The following NEK1 variants were observed in gnomAD, a reference collection of about 807,000 sequenced individuals.
NEK1 encodes serine/threonine-protein kinase Nek1.
NEK1 carries 137 observed loss-of-function variants against 182.1 expected under a neutral mutation model. That is an observed-to-expected ratio of 0.75 (90% CI 0.65 to 0.87). The LOEUF is 0.87. Ranked by LOEUF, NEK1 falls within the 40% of genes least tolerant of loss-of-function variation. NEK1 has a pLI of 0.00. For synonymous variants in NEK1, 513 were observed against 492.2 expected (o/e 1.04, Z -0.56); for missense variants, 1,391 against 1,494.4 (o/e 0.93, Z 1.14).
intron 31 of NEK1, among the ~76,000 whole-genome samples, chr4:169,407,358 T>C (rs150291666): frequency 6.6e-6 from 1 of 152,328 alleles, no homozygotes; most frequent in East Asian, 1.9e-4. Context: ...AGCCACATAC[T>C]GGTGAAATGA....
At chr4:169,423,194 C>T (rs1165204296) in intron 31 of NEK1, among the ~76,000 whole-genome samples, 1 of 152,148 alleles carries the variant, frequency 6.6e-6, no homozygotes, top group Admixed American at 6.6e-5. Flanking sequence ...CCTCCACCTC[C>T]CGGGTTCAAG....
At position 169,477,296 on chromosome 4, in the gene NEK1, T is replaced by A. The variant is rs754808036; in HGVS notation, c.2262A>T (p.Glu754Asp). The A allele has an allele frequency of 1.3e-6, 2 of 1,591,410 alleles. No individual in the cohort carries two copies. The highest frequency in any genetic ancestry group is 1.7e-6 in the Non-Finnish European group (2 of 1,167,056). ...LNENLKAQED[E>D]KGKQNLSDTF... ...TATCAGAGAGATTCTGCTTTCCTTTTTCATCTTCTTGAGCTTTAAGATTTT... is the reference window on the plus strand; with the variant it reads ...TATCAGAGAGATTCTGCTTTCCTTTATCATCTTCTTGAGCTTTAAGATTTT... The change falls in exon 26 of 36, where the codon GAA becomes GAT. Residue 754 changes from glutamate (E) to aspartate (D), a missense_variant. Coordinates refer to ENST00000507142, the MANE Select transcript of NEK1 (RefSeq NM_001199397.3).
In NEK1 at chr4:169,502,907, A is replaced by G. The variant is rs1019897312; in HGVS notation, c.2007+4130T>C. 5.9e-5 allele frequency among the ~76,000 whole-genome samples: 9 copies of G among 152,276 alleles called. No homozygotes were observed. In the South Asian group the frequency reaches 1.9e-3, roughly 32 times the overall value. Reference sequence around the variant, plus strand: ...GCAATCAGGCTAGAGAAAAAAATAAAAGACATCCAAATAGGAAAAGAGAAA... The same window carrying G: ...GCAATCAGGCTAGAGAAAAAAATAAGAGACATCCAAATAGGAAAAGAGAAA... On this transcript the variant is annotated intron_variant, in intron 23 of 35. Transcript: ENST00000507142.
At chr4:169,480,570 T>C (rs1394803258) in intron 23 of NEK1, among the ~76,000 whole-genome samples, 1 of 151,672 alleles carries the variant, frequency 6.6e-6, no homozygotes, top group Non-Finnish European at 1.5e-5. Flanking sequence ...TTGTAATTAT[T>C]TTGCTGGTGG....
At chr4:169,605,977 T>C (rs1200703108) in intron 2 of NEK1, among the ~76,000 whole-genome samples, 1 of 152,166 alleles carries the variant, frequency 6.6e-6, no homozygotes, top group African/African-American at 2.4e-5. Context: ...ATCTGCCTTT[T>C]GTGGACTTCA....
At chr4:169,603,680 G>C (rs72974776) in intron 2 of NEK1, among the ~76,000 whole-genome samples, 14,535 of 148,420 alleles carry the variant, frequency 0.098, 778 homozygotes, top group East Asian at 0.17. Flanking sequence ...CAGTGAATTT[G>C]AAAAATTCTT....
rs74776059 is a variant in NEK1 at position 169,539,977 on chromosome 4, A to G, written c.1563-2066T>C. ...AAAATTGTTTACTAAGAACCTGGTCATCTGTATAACAGCTTTGATTTATAG... is the reference window on the plus strand; with the variant it reads ...AAAATTGTTTACTAAGAACCTGGTCGTCTGTATAACAGCTTTGATTTATAG... On this transcript the variant is annotated intron_variant, in intron 18 of 35. Transcript: ENST00000507142. Among the ~76,000 whole-genome samples the G allele has an allele frequency of 4.9e-3, 749 of 152,306 alleles. 8 individuals are homozygous for G. Among genetic ancestry groups the G allele is most frequent in the Admixed American group, 7.7e-3 (118 of 15,284 alleles).
chr4:169,481,622 A>C (rs1748028198), intron 23 of NEK1, among the ~76,000 whole-genome samples: 2 of 152,184 alleles, frequency 1.3e-5, no homozygotes, highest in African/African-American at 4.8e-5. Context: ...AGTAGGTCTC[A>C]ACAGTGGGCT....
At chr4:169,537,692 C>G in intron 19 of NEK1, 117 bp downstream of exon 19, 1 of 782,458 alleles carries the variant, frequency 1.3e-6, no homozygotes, top group Non-Finnish European at 2.2e-6. Flanking sequence ...TCTTTACTGC[C>G]TCTTATTATG....
intron 12 of NEK1, among the ~76,000 whole-genome samples, chr4:169,567,824 A>T (rs975407415): frequency 2.0e-5 from 3 of 152,230 alleles, no homozygotes; most frequent in Admixed American, 2.0e-4. Context: ...CTGAAATTCA[A>T]AACATTTATA....
chr4:169,546,011 G>T (rs980744987), intron 18 of NEK1, among the ~76,000 whole-genome samples: 32 of 152,254 alleles, frequency 2.1e-4, no homozygotes, highest in African/African-American at 7.0e-4. Context: ...GTAATTTACA[G>T]ATTCAATGCC....
In NEK1 at chr4:169,530,736, A is replaced by G. The variant is rs559054551; in HGVS notation, c.1665+7073T>C. On this transcript the variant is annotated intron_variant, in intron 19 of 35. Transcript: ENST00000507142. ...GGTAGAACGAGAGATGTGACTACAG[A>G]AAGATAGCATAAGGGTTGGCGGGGG... 5.3e-5 allele frequency among the ~76,000 whole-genome samples: 8 copies of G among 151,722 alleles called. No individual in the cohort carries two copies. The South Asian group carries it at 1.7e-3, about 32-fold the overall frequency.
chr4:169,609,602 A>T (rs56815821), intron 2 of NEK1, among the ~76,000 whole-genome samples: 18,509 of 152,038 alleles, frequency 0.12, 1,257 homozygotes, highest in East Asian at 0.17. Context: ...TATGTGTATA[A>T]ATATACATAT....
chr4:169,501,133 A>C (rs960804552), intron 23 of NEK1, among the ~76,000 whole-genome samples: 1 of 152,232 alleles, frequency 6.6e-6, no homozygotes, highest in African/African-American at 2.4e-5. Flanking sequence ...ACTTTAAATC[A>C]ACAACAGTAC....
At chr4:169,427,942 A>C (rs894092689) in intron 29 of NEK1, among the ~76,000 whole-genome samples, 7 of 150,490 alleles carry the variant, frequency 4.7e-5, no homozygotes, top group Non-Finnish European at 1.0e-4. Context: ...CTCCCACCTC[A>C]GTCTCCCAAG....
chr4:169,494,015 AGAAACAATCTTAAAGGCAG>A (rs1294367199), intron 23 of NEK1, among the ~76,000 whole-genome samples: 1 of 152,230 alleles, frequency 6.6e-6, no homozygotes, highest in Non-Finnish European at 1.5e-5. Context: ...TCAATGTGAA[AGAAACAATCTTAAAGGCAG>A]CTAGAGAAAA....
chr4:169,401,676 C>A lies in NEK1; in HGVS notation c.3559G>T (p.Ala1187Ser). The part of the protein sequence containing the change: ...DEDDNPSSES[A>S]LNEEWHSDNS... ...CCTGAGTGCCATTCTTCGTTCAGGG[C>A]ACTTTCACTGCTGGGATTGTCATCT... The change falls in exon 33 of 36, where the codon GCC (alanine) becomes TCC (serine). Residue 1187 changes from alanine to serine, a missense_variant. By Grantham distance (99) the Ala-to-Ser change is moderately conservative (BLOSUM62 1). Coordinates refer to ENST00000507142, the MANE Select transcript of NEK1 (RefSeq NM_001199397.3). 1 of 1,613,828 alleles carries A rather than the reference C, an allele frequency of 6.2e-7. No individual in the cohort carries two copies. Among genetic ancestry groups the A allele is most frequent in the Non-Finnish European group, 8.5e-7 (1 of 1,179,770 alleles).
intron 27 of NEK1, among the ~76,000 whole-genome samples, chr4:169,450,074 TATCAGTG>T (rs1157627882): frequency 1.3e-5 from 2 of 152,158 alleles, no homozygotes; most frequent in Non-Finnish European, 2.9e-5. Context: ...GAAGAAAGGG[TATCAGTG>T]ATTGAAGATC....
Position 169,562,139 on chromosome 4 carries a change from C to A in NEK1, c.1078G>T (p.Glu360Ter). 1 of 1,536,160 alleles carries A rather than the reference C, an allele frequency of 6.5e-7. No individual in the cohort carries two copies. The highest frequency in any genetic ancestry group is 8.8e-7 in the Non-Finnish European group (1 of 1,135,780). Residue 360 changes from glutamate (E) to a stop codon, truncating the protein, a stop_gained and splice_region_variant, in exon 13 of 36, where the codon GAG becomes TAG. Transcript: ENST00000507142. LOFTEE classifies it high-confidence loss of function. ...TAACCAGACAGATGTCTTTATACCTCAGATATTTTCCTCCTTTCTTCTCCA... is the reference window on the plus strand; with the variant it reads ...TAACCAGACAGATGTCTTTATACCTAAGATATTTTCCTCCTTTCTTCTCCA... ...NTGEERRKIS[E>*]EAARKRRLEF...
Sources: allele counts gnomAD v4.1 joint callset (sites outside exome capture counted in the v4.1 genomes callset), GRCh38; gene constraint gnomAD v4.1.1; transcripts MANE v1.5; gene names NCBI Gene and HGNC (gene_info 2026-07-23, HGNC 2026-07-21).